HOXC13: variants seen among roughly 807,000 people sequenced by gnomAD.
HOXC13 encodes the protein homeobox protein Hox-C13.
A neutral mutation model predicts 25.9 loss-of-function variants in HOXC13; 10 were observed. The observed-to-expected ratio is 0.39, with a 90% CI of 0.24 to 0.65. The LOEUF is 0.65. Ranked by LOEUF, HOXC13 falls within the 30% of genes least tolerant of loss-of-function variation. The pLI is 0.50. For missense variants in HOXC13, 439 were observed against 478.3 expected (o/e 0.92, Z 0.77); for synonymous variants, 233 against 217.1 (o/e 1.07, Z -0.64).
intron 1 of HOXC13, among the ~76,000 whole-genome samples, chr12:53,942,788 T>C (rs1938633647): frequency 6.6e-6 from 1 of 152,240 alleles, no homozygotes; most frequent in Admixed American, 6.5e-5. Flanking sequence ...GCAGTTGGTC[T>C]GATCCAGGAC....
chr12:53,943,724 G>A (rs534148413), intron 1 of HOXC13, among the ~76,000 whole-genome samples: 90 of 152,326 alleles, frequency 5.9e-4, no homozygotes, highest in Admixed American at 9.1e-4. Flanking sequence ...CTGTGAGGGT[G>A]GGATGGGAAC....
chr12:53,942,808 A>T (rs1459244641), intron 1 of HOXC13, among the ~76,000 whole-genome samples: 1 of 152,214 alleles, frequency 6.6e-6, no homozygotes, highest in African/African-American at 2.4e-5. Context: ...CAAATTGGCT[A>T]AATCAATCCT....
chr12:53,942,120 GT>G (rs35142054), intron 1 of HOXC13, among the ~76,000 whole-genome samples: 78,678 of 115,322 alleles, frequency 0.68, 27,448 homozygotes, highest in East Asian at 0.9. Context: ...TATTGCTCTG[GT>G]TTTTTTTTTT....
At position 53,945,397 on chromosome 12, in the gene HOXC13, C is replaced by G; in HGVS notation, c.*141C>G. On this transcript the variant is annotated 3_prime_UTR_variant, in exon 2 of 2. Coordinates refer to ENST00000243056, the MANE Select transcript of HOXC13 (RefSeq NM_017410.3). This position sits in a 1 kb window ranked among gnomAD's most constrained non-coding sequence, Gnocchi z 4.4. ...ACCGCGCCGCCCGGAGGCAGAGAGG[C>G]TCCATGGCCGTGCTGCTGGGCCATC... is the stretch of plus-strand genomic sequence containing the variant. 1.0e-6 allele frequency: 1 copy of G among 991,790 alleles called. No homozygotes were observed. The highest frequency in any genetic ancestry group is 1.6e-5 in the South Asian group (1 of 63,160). The allele number at this position is 991,790 out of a possible 1,614,324, so 61.4% of individuals were successfully genotyped here. A position where few individuals can be genotyped will look rare whatever the true frequency, so the allele number is the denominator to read the frequency against.
At chr12:53,943,110 T>C (rs1198127031) in intron 1 of HOXC13, among the ~76,000 whole-genome samples, 1 of 152,270 alleles carries the variant, frequency 6.6e-6, no homozygotes, top group African/African-American at 2.4e-5. Context: ...TAAAACTTAC[T>C]GTATCATTTT....
In HOXC13 at chr12:53,945,504, C is replaced by A; in HGVS notation, c.*248C>A. The A allele has an allele frequency of 1.8e-6, 1 of 552,736 alleles. No homozygotes were observed. The highest frequency in any genetic ancestry group is 3.2e-6 in the Non-Finnish European group (1 of 308,320). The allele number at this position is 552,736 out of a possible 1,614,324, so 34.2% of individuals were successfully genotyped here. On this transcript the variant is annotated 3_prime_UTR_variant, in exon 2 of 2. Coordinates refer to ENST00000243056, the MANE Select transcript of HOXC13 (RefSeq NM_017410.3). This position sits in a 1 kb window ranked among gnomAD's most constrained non-coding sequence, Gnocchi z 4.4. The stretch of plus-strand genomic sequence containing the variant: ...CTTCAACAGCTTTGGAAATGGGTCC[C>A]GAGTGGGCCGTGCGAGGAAGGCTGT...
intron 1 of HOXC13, among the ~76,000 whole-genome samples, chr12:53,941,330 G>A (rs935547895): frequency 6.6e-6 from 1 of 152,220 alleles, no homozygotes; most frequent in Non-Finnish European, 1.5e-5. Flanking sequence ...AATTCCTGGG[G>A]CAGGGAAGCC....
intron 1 of HOXC13, among the ~76,000 whole-genome samples, chr12:53,940,990 C>T (rs1268743386): frequency 6.6e-6 from 1 of 152,124 alleles, no homozygotes; most frequent in Non-Finnish European, 1.5e-5. Context: ...TAGCAAATAA[C>T]ATTCTTGTGA....
Position 53,938,876 on chromosome 12 carries a change from G to A in HOXC13, c.-31G>A. 1 of 1,525,614 alleles carries A rather than the reference G, an allele frequency of 6.6e-7. No homozygotes were observed. Among genetic ancestry groups the A allele is most frequent in the Non-Finnish European group, 8.7e-7 (1 of 1,143,816 alleles). The allele number at this position is 1,525,614 out of a possible 1,614,324, so 94.5% of individuals were successfully genotyped here. ...CCTAGCTCGCTGCCTCTGGCAAGTG[G>A]AGTTTTTAAAAAGCTCCAGCAGATC... On this transcript the variant is annotated 5_prime_UTR_variant, in exon 1 of 2. Transcript: ENST00000243056.
rs960190969 is a variant in HOXC13, at chr12:53,938,840, C to G, written c.-67C>G. 15 of 1,348,066 alleles carry G rather than the reference C, an allele frequency of 1.1e-5. No individual in the cohort carries two copies. In the African/African-American group the frequency reaches 2.3e-4, roughly 20 times the overall value. 83.5% of individuals were successfully genotyped at this position (1,348,066 alleles called of 1,614,324 possible). A position where few individuals can be genotyped will look rare whatever the true frequency, so the allele number is the denominator to read the frequency against. ...GGGATGGGGGGAGGGGAAACAGGAG[C>G]GAGGTGTCTCCCTAGCTCGCTGCCT... On this transcript the variant is annotated 5_prime_UTR_variant, in exon 1 of 2. Coordinates refer to ENST00000243056, the MANE Select transcript of HOXC13 (RefSeq NM_017410.3).
intron 1 of HOXC13, among the ~76,000 whole-genome samples, chr12:53,943,640 C>T (rs1341950569): frequency 1.3e-5 from 2 of 152,154 alleles, no homozygotes; most frequent in Admixed American, 6.5e-5. Context: ...TCACTGTGAC[C>T]ACTACTCTTC....
At position 53,945,122 on chromosome 12, in the gene HOXC13, A is replaced by G. The variant is rs1482915753; in HGVS notation, c.859A>G (p.Lys287Glu). The G allele has an allele frequency of 6.2e-7, 1 of 1,614,190 alleles. No individual in the cohort carries two copies. Among genetic ancestry groups the G allele is most frequent in the Non-Finnish European group, 8.5e-7 (1 of 1,180,032 alleles). The change falls in exon 2 of 2, where the codon AAA becomes GAA. Residue 287 changes from lysine (K) to glutamate (E), a missense_variant. Transcript: ENST00000243056. The surrounding 1 kb of genome is among the most constrained non-coding windows in gnomAD (Gnocchi z 4.4). ...ATACGCGGCTAGCAAGTTCATCACC[A>G]AAGAGAAGCGCCGGCGCATCTCCGC... Reference protein sequence around the residue: ...KEYAASKFITKEKRRRISATT... With the variant: ...KEYAASKFITEEKRRRISATT...
At chr12:53,944,729 G>A (rs1343066631) in intron 1 of HOXC13, among the ~76,000 whole-genome samples, 5 of 151,984 alleles carry the variant, frequency 3.3e-5, no homozygotes, top group African/African-American at 7.3e-5. Flanking sequence ...TTTTGTATTC[G>A]TTTTGCTTTT....
In HOXC13 at chr12:53,939,335, G is replaced by T. The variant is rs557949345; in HGVS notation, c.429G>T (p.Lys143Asn). ...RLSHNVNLQQ[K>N]PCAYHPGDKY... The stretch of plus-strand genomic sequence containing the variant: ...CGCACAACGTGAACCTGCAGCAGAA[G>T]CCTTGCGCCTACCACCCGGGCGATA... The change falls in exon 1 of 2, where the codon AAG (lysine) becomes AAT (asparagine). Residue 143 changes from lysine (K) to asparagine (N), a missense_variant. Transcript: ENST00000243056. This position sits in a 1 kb window ranked among gnomAD's most constrained non-coding sequence, Gnocchi z 6.7. 1.3e-6 allele frequency: 2 copies of T among 1,599,654 alleles called. No individual in the cohort carries two copies. Among genetic ancestry groups the T allele is most frequent in the Non-Finnish European group, 1.7e-6 (2 of 1,174,516 alleles).
intron 1 of HOXC13, among the ~76,000 whole-genome samples, chr12:53,943,230 GA>G: frequency 6.6e-6 from 1 of 152,206 alleles, no homozygotes; most frequent in East Asian, 1.9e-4. Context: ...AAATAATCCT[GA>G]AAAAATGTTC....
chr12:53,940,231 A>T (rs1938588160), intron 1 of HOXC13, among the ~76,000 whole-genome samples: 3 of 152,182 alleles, frequency 2.0e-5, no homozygotes, highest in Non-Finnish European at 4.4e-5. Flanking sequence ...TTGTTGAGGG[A>T]ACAGAAGATC....
Position 53,946,437 on chromosome 12 carries a change from G to C in HOXC13, c.*1181G>C, listed in dbSNP as rs1938693915. ...GGAATAGGCTTTTTTAAAAAATGTT[G>C]TGTATCTGTATATAGTATTGTGATG... On this transcript the variant is annotated 3_prime_UTR_variant, in exon 2 of 2. Transcript: ENST00000243056. 1 of 214,390 alleles carries C rather than the reference G, an allele frequency of 4.7e-6. No homozygotes were observed. The highest frequency in any genetic ancestry group is 9.4e-6 in the Non-Finnish European group (1 of 106,040). The allele number at this position is 214,390 out of a possible 1,614,324, so 13.3% of individuals were successfully genotyped here. A position where few individuals can be genotyped will look rare whatever the true frequency, so the allele number is the denominator to read the frequency against.
At chr12:53,940,737 G>A (rs567368151) in intron 1 of HOXC13, among the ~76,000 whole-genome samples, 6 of 152,158 alleles carry the variant, frequency 3.9e-5, no homozygotes, top group Admixed American at 6.5e-5. Context: ...AGCTCAGTGG[G>A]AGAGCGTTCT....
At position 53,939,066 on chromosome 12, in the gene HOXC13, G is replaced by A; in HGVS notation, c.160G>A (p.Ala54Thr). The A allele has an allele frequency of 2.1e-6, 3 of 1,435,142 alleles. No individual in the cohort carries two copies. The highest frequency in any genetic ancestry group is 1.5e-5 in the African/African-American group (1 of 66,824). 88.9% of individuals were successfully genotyped at this position (1,435,142 alleles called of 1,614,324 possible). ...GGCSGASPGK[A>T]PSMDGLGSSC... ...CTGCAGCGGAGCGAGCCCCGGCAAA[G>A]CCCCGAGCATGGATGGTCTGGGCAG... The change falls in exon 1 of 2, where the codon GCC becomes ACC. Residue 54 changes from alanine to threonine, a missense_variant. Ala to Thr is a moderately conservative substitution (Grantham distance 58). Transcript: ENST00000243056. This position sits in a 1 kb window ranked among gnomAD's most constrained non-coding sequence, Gnocchi z 6.7.
Sources: gnomAD v4.1 joint callset for allele counts (sites outside exome capture counted in the v4.1 genomes callset) on GRCh38, gnomAD v4.1.1 for gene constraint, Gnocchi (gnomAD v3.1) non-coding constraint, MANE v1.5 for transcripts, NCBI Gene and HGNC (gene_info 2026-07-23, HGNC 2026-07-21) for gene names.